Variants in PALD1 observed in about 807,000 individuals in gnomAD.
The protein encoded by PALD1 is phosphatase domain containing paladin 1, also known as paladin.
Under a neutral mutation model 96.0 loss-of-function variants are expected in PALD1, and 57 were observed. That is an observed-to-expected ratio of 0.59 (90% CI 0.48 to 0.74). PALD1 has a LOEUF of 0.74. PALD1 is among the 30% of genes least tolerant of loss of function. PALD1 has a pLI of 0.00. For missense variants in PALD1, 1,063 were observed against 1,143.7 expected, an observed-to-expected ratio of 0.93 and a Z score of 1.02; for synonymous variants, 464 against 473.6, an observed-to-expected ratio of 0.98 and a Z score of 0.26.
chr10:70,471,635 A>G, the PALD1 span, among the ~76,000 whole-genome samples: 1 of 152,190 alleles, frequency 6.6e-6, no homozygotes. Context: ...CTTCTCTTTC[A>G]TCATCTCACT....
chr10:70,487,130 A>ATTTTTTTTTTTT (rs10669002), intron 1 of PALD1, among the ~76,000 whole-genome samples: 1 of 110,424 alleles, frequency 9.1e-6, no homozygotes, highest in Non-Finnish European at 1.8e-5. Flanking sequence ...TCTGAGCCCA[A>ATTTTTTTTTTTT]TTTTTTTTTT....
rs904493799 is a variant in PALD1, at chr10:70,540,980, T to G, written c.1909-122T>G. On this transcript the variant is annotated intron_variant, in intron 15 of 19. Coordinates refer to ENST00000263563, the MANE Select transcript of PALD1 (RefSeq NM_014431.3). This position sits in a 1 kb window ranked among gnomAD's most constrained non-coding sequence, Gnocchi z 4.2. ...TGAGTTTTGTTTGTGTGTGCAAGCT[T>G]GGGAGCCTGACAATTTCTGGCCCGA... 1 of 1,100,540 alleles carries G rather than the reference T, an allele frequency of 9.1e-7. No homozygotes were observed. The highest frequency in any genetic ancestry group is 1.3e-6 in the Non-Finnish European group (1 of 769,218). 68.2% of individuals were successfully genotyped at this position (1,100,540 alleles called of 1,614,324 possible).
intron 1 of PALD1, among the ~76,000 whole-genome samples, chr10:70,520,375 C>T (rs1191694112): frequency 3.3e-5 from 5 of 152,168 alleles, no homozygotes; most frequent in Admixed American, 6.5e-5. Flanking sequence ...GGTTCATTTC[C>T]CCCAGAACCA....
chr10:70,555,772 C>T (rs1847595290), intron 18 of PALD1, among the ~76,000 whole-genome samples: 1 of 152,164 alleles, frequency 6.6e-6, no homozygotes, highest in African/African-American at 2.4e-5. Context: ...GAGGCTGAGG[C>T]GGGCGGATCA....
At chr10:70,476,508 GGGGCTGGTGGT>G (rs745370418), upstream of PALD1, among the ~76,000 whole-genome samples, 41 of 152,320 alleles carry the variant, frequency 2.7e-4, no homozygotes, top group Non-Finnish European at 4.9e-4. Context: ...GGCCCTCTGG[GGGGCTGGTGGT>G]GGGCTGGTGA....
At chr10:70,549,046 CAAA>C (rs71472976) in intron 18 of PALD1, among the ~76,000 whole-genome samples, 38 of 74,708 alleles carry the variant, frequency 5.1e-4, no homozygotes, top group South Asian at 1.9e-3. Context: ...TTGTCTCTAC[CAAA>C]AAAAAAAAAA....
chr10:70,461,260 C>A, the PALD1 span, among the ~76,000 whole-genome samples: 1 of 152,240 alleles, frequency 6.6e-6, no homozygotes, highest in African/African-American at 2.4e-5. Context: ...ATCTAATTAG[C>A]CTTCAAGTCT....
chr10:70,534,902 T>A, intron 10 of PALD1, 59 bp downstream of exon 10: 4 of 1,111,254 alleles, frequency 3.6e-6, no homozygotes, highest in Non-Finnish European at 5.4e-6. Flanking sequence ...CAGCCTGATT[T>A]CATTAGGCAT....
intron 1 of PALD1, among the ~76,000 whole-genome samples, chr10:70,479,576 T>C (rs1845893467): frequency 6.6e-6 from 1 of 152,216 alleles, no homozygotes; most frequent in Non-Finnish European, 1.5e-5. Context: ...GAGTACGTTT[T>C]TCAGTTTCAG....
In PALD1 at chr10:70,538,184, A is replaced by T. The variant is rs1015070450; in HGVS notation, c.1324-96A>T. The T allele has an allele frequency of 3.0e-6, 4 of 1,333,220 alleles. No homozygotes were observed. The African/African-American group carries it at 5.8e-5, about 19-fold the overall frequency. 82.6% of individuals were successfully genotyped at this position (1,333,220 alleles called of 1,614,324 possible). On this transcript the variant is annotated intron_variant, in intron 11 of 19. Transcript: ENST00000263563. ...TTGTCCCTGCTCTGGGCCATGTTGGATATCTTTTGGGGCTTCCCCTGCCAT... is the reference window on the plus strand; with the variant it reads ...TTGTCCCTGCTCTGGGCCATGTTGGTTATCTTTTGGGGCTTCCCCTGCCAT...
chr10:70,461,936 G>A, the PALD1 span, among the ~76,000 whole-genome samples: 8 of 152,170 alleles, frequency 5.3e-5, no homozygotes, highest in African/African-American at 9.7e-5. Context: ...GGGACTACAG[G>A]CATGTGCAAT....
At chr10:70,524,855 C>T (rs116461711) in intron 1 of PALD1, among the ~76,000 whole-genome samples, 4,663 of 152,320 alleles carry the variant, frequency 0.031, 223 homozygotes, top group African/African-American at 0.11. Flanking sequence ...AACAAAACAT[C>T]GTGGTACACC....
chr10:70,558,468 T>C (rs1437251071), intron 18 of PALD1, among the ~76,000 whole-genome samples: 1 of 152,284 alleles, frequency 6.6e-6, no homozygotes, highest in East Asian at 1.9e-4. Flanking sequence ...CTAAGTGCAC[T>C]GCGCTAGGTG....
chr10:70,542,929 A>G (rs1847281276), intron 17 of PALD1, among the ~76,000 whole-genome samples: 1 of 151,522 alleles, frequency 6.6e-6, no homozygotes, highest in Non-Finnish European at 1.5e-5. Context: ...CCTCACCAAC[A>G]CTTGATTTCT....
At chr10:70,465,243 G>A in the PALD1 span, among the ~76,000 whole-genome samples, 2 of 152,122 alleles carry the variant, frequency 1.3e-5, no homozygotes, top group Admixed American at 1.3e-4. Context: ...CAAAGTGCTG[G>A]GATTACAGGC....
At chr10:70,563,037 G>T (rs61857124) in intron 18 of PALD1, among the ~76,000 whole-genome samples, 5 of 151,952 alleles carry the variant, frequency 3.3e-5, no homozygotes, top group East Asian at 1.9e-4. Flanking sequence ...TGTAACCTTA[G>T]CTATAGAGAG....
In PALD1 at chr10:70,538,890, A is replaced by G; in HGVS notation, c.1453-2A>G. 6.2e-7 allele frequency: 1 copy of G among 1,611,940 alleles called. No individual in the cohort carries two copies. The highest frequency in any genetic ancestry group is 8.5e-7 in the Non-Finnish European group (1 of 1,178,680). ...GTCCCAGGCTTGGTGCTCTCCCCAC[A>G]GCGGGAGGACGATCTGGTCTCCCCG... On this transcript the variant is annotated splice_acceptor_variant, in intron 12 of 19. Transcript: ENST00000263563. LOFTEE classifies it high-confidence loss of function.
rs1037305277 is a variant in PALD1, at chr10:70,534,198, A to G, written c.1022+125A>G. On this transcript the variant is annotated intron_variant, in intron 8 of 19. Coordinates refer to ENST00000263563, the MANE Select transcript of PALD1 (RefSeq NM_014431.3). ...GCTGGAAATTTGGCATCTGGGGTTC[A>G]TTTCCTGGTTTGCCACGAGACTTGC... 7 of 1,184,950 alleles carry G rather than the reference A, an allele frequency of 5.9e-6. No individual in the cohort carries two copies. The African/African-American group carries it at 9.3e-5, about 16-fold the overall frequency. 73.4% of individuals were successfully genotyped at this position (1,184,950 alleles called of 1,614,324 possible). A position where few individuals can be genotyped will look rare whatever the true frequency, so the allele number is the denominator to read the frequency against.
At chr10:70,533,880 T>TTAGG (rs1443413039) in intron 7 of PALD1, 42 bp from the exon 8 acceptor site, 1 of 1,510,314 alleles carries the variant, frequency 6.6e-7, no homozygotes. Context: ...AGCCCAGGGT[T>TTAGG]TCCTGGTCTC....
Sources: gnomAD v4.1 joint callset for allele counts (sites outside exome capture counted in the v4.1 genomes callset) on GRCh38, gnomAD v4.1.1 for gene constraint, Gnocchi (gnomAD v3.1) non-coding constraint, MANE v1.5 for transcripts, NCBI Gene and HGNC (gene_info 2026-07-23, HGNC 2026-07-21) for gene names.